KCNAB1: variants seen among roughly 807,000 people sequenced by gnomAD.
KCNAB1 encodes voltage-gated potassium channel subunit beta-1.
KCNAB1 carries 35 observed loss-of-function variants against 64.6 expected under a neutral mutation model. The observed-to-expected ratio is 0.54, with a 90% CI of 0.41 to 0.72. The LOEUF is 0.72. Ranked by LOEUF, KCNAB1 falls within the 30% of genes least tolerant of loss-of-function variation. The pLI is 0.00. For synonymous variants in KCNAB1, 177 were observed against 183.8 expected (o/e 0.96, Z 0.30); for missense variants, 401 against 512.9 (o/e 0.78, Z 2.11).
At chr3:156,515,270 A>G in intron 10 of KCNAB1, 50 bp downstream of exon 10, 1 of 1,536,264 alleles carries the variant, frequency 6.5e-7, no homozygotes, top group African/African-American at 1.4e-5. Flanking sequence ...GAGAAAGATC[A>G]CTGATTCGGG....
intron 1 of KCNAB1, among the ~76,000 whole-genome samples, chr3:156,357,266 C>T (rs1471515591): frequency 6.6e-6 from 1 of 152,046 alleles, no homozygotes; most frequent in Non-Finnish European, 1.5e-5. Context: ...AAAGTTTCCA[C>T]AGTGAATTTG....
At chr3:156,234,300 C>T (rs1015750169) in intron 1 of KCNAB1, among the ~76,000 whole-genome samples, 6 of 151,940 alleles carry the variant, frequency 3.9e-5, no homozygotes, top group African/African-American at 1.5e-4. Flanking sequence ...GTCTGTGTGC[C>T]TATGGGAAAG....
intron 1 of KCNAB1, among the ~76,000 whole-genome samples, chr3:156,212,442 A>T (rs1183398835): frequency 6.6e-6 from 1 of 152,232 alleles, no homozygotes; most frequent in East Asian, 1.9e-4. Flanking sequence ...AGAGCTAATT[A>T]TGAAATCCCT....
At chr3:156,500,525 TAAAA>T (rs933853105) in intron 8 of KCNAB1, among the ~76,000 whole-genome samples, 1 of 152,066 alleles carries the variant, frequency 6.6e-6, no homozygotes, top group African/African-American at 2.4e-5. Flanking sequence ...AATTGCAAAA[TAAAA>T]AAACTAACAA....
chr3:156,426,577 T>C (rs1241305347), intron 2 of KCNAB1, among the ~76,000 whole-genome samples: 2 of 152,218 alleles, frequency 1.3e-5, no homozygotes, highest in African/African-American at 4.8e-5. Flanking sequence ...TCTACCATTA[T>C]AGTATCATAC....
chr3:156,120,124 T>C (rs550894646), upstream of KCNAB1, among the ~76,000 whole-genome samples: 1 of 152,346 alleles, frequency 6.6e-6, no homozygotes, highest in East Asian at 1.9e-4. Flanking sequence ...TTCCCTTGCA[T>C]TGATACTGTT....
At chr3:156,303,149 C>T (rs767192619) in intron 1 of KCNAB1, among the ~76,000 whole-genome samples, 18 of 152,162 alleles carry the variant, frequency 1.2e-4, no homozygotes, top group Non-Finnish European at 2.5e-4. Flanking sequence ...TCTCACATGC[C>T]AATAGAAAAG....
chr3:156,332,720 A>G (rs1022822328), intron 1 of KCNAB1, among the ~76,000 whole-genome samples: 18 of 152,146 alleles, frequency 1.2e-4, no homozygotes, highest in African/African-American at 4.3e-4. Flanking sequence ...CGAAAATATG[A>G]CCATTGTGAT....
At chr3:156,314,372 G>A (rs567043220) in intron 1 of KCNAB1, among the ~76,000 whole-genome samples, 17 of 152,256 alleles carry the variant, frequency 1.1e-4, no homozygotes, top group Admixed American at 7.2e-4. Flanking sequence ...CTAATATAAC[G>A]CTCCCAACTT....
intron 1 of KCNAB1, among the ~76,000 whole-genome samples, chr3:156,314,181 G>C (rs1722119651): frequency 6.6e-6 from 1 of 152,166 alleles, no homozygotes; most frequent in Non-Finnish European, 1.5e-5. Flanking sequence ...GCTATATACT[G>C]GGCACAGTTC....
At chr3:156,428,074 C>T (rs1190529530) in intron 2 of KCNAB1, among the ~76,000 whole-genome samples, 1 of 152,144 alleles carries the variant, frequency 6.6e-6, no homozygotes, top group Non-Finnish European at 1.5e-5. Context: ...TTTGATGTGT[C>T]AACTTGACTG....
At chr3:156,297,241 A>G (rs186328923) in intron 1 of KCNAB1, among the ~76,000 whole-genome samples, 3 of 146,972 alleles carry the variant, frequency 2.0e-5, no homozygotes, top group Admixed American at 6.8e-5. Context: ...GGCATAACAC[A>G]GTATGTATTG....
intron 1 of KCNAB1, among the ~76,000 whole-genome samples, chr3:156,404,859 T>C (rs1169436672): frequency 6.6e-6 from 1 of 152,198 alleles, no homozygotes; most frequent in Non-Finnish European, 1.5e-5. Context: ...AATTACTTCA[T>C]GCAAAACAAT....
At chr3:156,262,835 T>G (rs147101018) in intron 1 of KCNAB1, among the ~76,000 whole-genome samples, 1 of 152,040 alleles carries the variant, frequency 6.6e-6, no homozygotes, top group African/African-American at 2.4e-5. Flanking sequence ...AAGACTCAAT[T>G]TCTTCACTTG....
At chr3:156,443,844 A>G (rs1717201036) in intron 2 of KCNAB1, among the ~76,000 whole-genome samples, 1 of 151,446 alleles carries the variant, frequency 6.6e-6, no homozygotes, top group African/African-American at 2.4e-5. Context: ...GCCCACCTTT[A>G]TTTCTCCTGG....
chr3:156,481,503 A>C (rs1395331510), intron 8 of KCNAB1, among the ~76,000 whole-genome samples: 1 of 151,804 alleles, frequency 6.6e-6, no homozygotes, highest in South Asian at 2.1e-4. Flanking sequence ...AATTTTCCTG[A>C]TACTTTAGGC....
chr3:156,237,452 T>A (rs1380487748), intron 1 of KCNAB1, among the ~76,000 whole-genome samples: 1 of 152,220 alleles, frequency 6.6e-6, no homozygotes, highest in Non-Finnish European at 1.5e-5. Flanking sequence ...AGTTGCCTTT[T>A]TTTTTTGTTT....
At chr3:156,166,526 T>C (rs1481919045) in intron 1 of KCNAB1, among the ~76,000 whole-genome samples, 1 of 143,620 alleles carries the variant, frequency 7.0e-6, no homozygotes, top group African/African-American at 2.6e-5. Flanking sequence ...AAAAAATACA[T>C]ATATACACAC....
chr3:156,495,235 G>A (rs927099904), intron 8 of KCNAB1, among the ~76,000 whole-genome samples: 2 of 152,078 alleles, frequency 1.3e-5, no homozygotes, highest in Middle Eastern at 3.2e-3. Context: ...GTATTCCATG[G>A]TATGTGAGGT....
Sources: gnomAD v4.1 joint callset for allele counts (sites outside exome capture counted in the v4.1 genomes callset) on GRCh38, gnomAD v4.1.1 for gene constraint, MANE v1.5 for transcripts, NCBI Gene and HGNC (gene_info 2026-07-23, HGNC 2026-07-21) for gene names.